ODAD2: variants seen among roughly 807,000 people sequenced by gnomAD.
ODAD2 encodes the protein outer dynein arm-docking complex subunit 2.
Under a neutral mutation model 106.8 loss-of-function variants are expected in ODAD2, and 89 were observed. That is an observed-to-expected ratio of 0.83 (90% CI 0.70 to 0.99). The LOEUF (loss-of-function observed/expected upper bound fraction) is 0.99. ODAD2 is among the 50% of genes least tolerant of loss of function. ODAD2 has a pLI of 0.00. For synonymous variants in ODAD2, 404 were observed against 436.2 expected (o/e 0.93, Z 0.92); for missense variants, 1,168 against 1,238.5 (o/e 0.94, Z 0.85).
chr10:27,943,973 G>A (rs1030833590), intron 12 of ODAD2, among the ~76,000 whole-genome samples: 1 of 151,996 alleles, frequency 6.6e-6, no homozygotes, highest in African/African-American at 2.4e-5. Flanking sequence ...TACAATAGGT[G>A]GTGACAGTTA....
intron 17 of ODAD2, among the ~76,000 whole-genome samples, chr10:27,872,829 T>C (rs1481584426): frequency 6.6e-6 from 1 of 152,188 alleles, no homozygotes; most frequent in East Asian, 1.9e-4. Flanking sequence ...TTTTTTTCTG[T>C]GTCTCTGCCA....
intron 9 of ODAD2, among the ~76,000 whole-genome samples, chr10:27,966,425 T>C (rs1212908285): frequency 1.3e-5 from 2 of 152,192 alleles, no homozygotes; most frequent in African/African-American, 4.8e-5. Flanking sequence ...GTCTACCCAA[T>C]CACTCCACAA....
chr10:27,847,568 C>T (rs998260699), intron 19 of ODAD2, among the ~76,000 whole-genome samples: 2 of 151,776 alleles, frequency 1.3e-5, no homozygotes, highest in African/African-American at 2.4e-5. Flanking sequence ...GAAGTTCTGG[C>T]CAGGGCAATC....
At chr10:27,918,688 C>A (rs998637207) in intron 16 of ODAD2, among the ~76,000 whole-genome samples, 3 of 151,462 alleles carry the variant, frequency 2.0e-5, no homozygotes, top group African/African-American at 7.3e-5. Flanking sequence ...TCTTGGCCTG[C>A]CTAATAAAGC....
At chr10:27,830,235 C>T (rs1299754567) in intron 19 of ODAD2, among the ~76,000 whole-genome samples, 1 of 152,208 alleles carries the variant, frequency 6.6e-6, no homozygotes, top group Non-Finnish European at 1.5e-5. Context: ...CACCACATAA[C>T]ACCTCCCCTT....
At chr10:27,944,547 T>C in intron 11 of ODAD2, 116 bp from the exon 12 acceptor site, 2 of 939,774 alleles carry the variant, frequency 2.1e-6, no homozygotes, top group Non-Finnish European at 3.2e-6. Context: ...TCATTTCCAT[T>C]CCCAGAGGTT....
At chr10:27,844,283 A>G (rs1376023433) in intron 19 of ODAD2, among the ~76,000 whole-genome samples, 5 of 152,208 alleles carry the variant, frequency 3.3e-5, no homozygotes, top group African/African-American at 1.2e-4. Context: ...CTAAAACTGA[A>G]AAGAGAAATG....
At chr10:27,984,069 A>G (rs1849725345) in intron 5 of ODAD2, 90 bp from the exon 6 acceptor site, 7 of 1,529,402 alleles carry the variant, frequency 4.6e-6, no homozygotes, top group South Asian at 3.6e-5. Flanking sequence ...TATTGTGGAA[A>G]TTTTAAGCTT....
chr10:27,812,879 A>G (rs1034179870), intron 19 of ODAD2, among the ~76,000 whole-genome samples: 1 of 152,096 alleles, frequency 6.6e-6, no homozygotes, highest in African/African-American at 2.4e-5. Context: ...TCTAACTGCT[A>G]TTTTTGGGTC....
intron 17 of ODAD2, among the ~76,000 whole-genome samples, chr10:27,895,202 A>G (rs1475465607): frequency 1.3e-5 from 2 of 152,232 alleles, no homozygotes; most frequent in African/African-American, 4.8e-5. Context: ...AACTTTTCAT[A>G]GCAGATGGCT....
At chr10:27,970,307 G>T (rs1434753973) in intron 8 of ODAD2, among the ~76,000 whole-genome samples, 1 of 151,916 alleles carries the variant, frequency 6.6e-6, no homozygotes, top group Non-Finnish European at 1.5e-5. Context: ...TCATATTTTT[G>T]AGACTCTAGC....
chr10:27,867,210 A>T (rs889239472), intron 17 of ODAD2, among the ~76,000 whole-genome samples: 1 of 152,160 alleles, frequency 6.6e-6, no homozygotes, highest in Non-Finnish European at 1.5e-5. Flanking sequence ...GCATTTGTGA[A>T]GGTCTTGAGA....
intron 16 of ODAD2, among the ~76,000 whole-genome samples, chr10:27,927,777 C>T (rs553938287): frequency 6.6e-6 from 1 of 152,224 alleles, no homozygotes; most frequent in Admixed American, 6.5e-5. Flanking sequence ...TGTTTCTTTA[C>T]AGAGACTTTT....
At chr10:27,972,676 C>T (rs1375286963) in intron 7 of ODAD2, among the ~76,000 whole-genome samples, 6 of 151,912 alleles carry the variant, frequency 3.9e-5, no homozygotes, top group Non-Finnish European at 5.9e-5. Context: ...TTAACAGGGA[C>T]GAAGAGGAGC....
At chr10:27,812,721 T>C in intron 19 of ODAD2, 96 bp from the exon 20 acceptor site, 1 of 1,424,408 alleles carries the variant, frequency 7.0e-7, no homozygotes, top group African/African-American at 1.5e-5. Flanking sequence ...CAATAGTAAA[T>C]TTTTTTAAAA....
chr10:27,829,482 C>T (rs1431655677), intron 19 of ODAD2, among the ~76,000 whole-genome samples: 1 of 152,118 alleles, frequency 6.6e-6, no homozygotes, highest in African/African-American at 2.4e-5. Flanking sequence ...TCATTTGCTA[C>T]CAATTTGAGG....
At chr10:27,954,912 A>G (rs1847613159) in intron 10 of ODAD2, among the ~76,000 whole-genome samples, 1 of 152,226 alleles carries the variant, frequency 6.6e-6, no homozygotes, top group African/African-American at 2.4e-5. Flanking sequence ...TTATACTACA[A>G]TATCTATGAA....
At chr10:27,903,595 G>A (rs1843367758) in intron 17 of ODAD2, among the ~76,000 whole-genome samples, 1 of 152,160 alleles carries the variant, frequency 6.6e-6, no homozygotes, top group Non-Finnish European at 1.5e-5. Context: ...ACCAACTTCA[G>A]CAAAGTCTCA....
chr10:27,977,305 C>T (rs1384079249), intron 7 of ODAD2, among the ~76,000 whole-genome samples: 1 of 151,904 alleles, frequency 6.6e-6, no homozygotes, highest in Non-Finnish European at 1.5e-5. Flanking sequence ...TGGCTCACAC[C>T]TGTAATCCCA....
Sources: gnomAD v4.1 joint callset for allele counts (sites outside exome capture counted in the v4.1 genomes callset) on GRCh38, gnomAD v4.1.1 for gene constraint, MANE v1.5 for transcripts, NCBI Gene and HGNC (gene_info 2026-07-23, HGNC 2026-07-21) for gene names.